USP49: variants seen among roughly 807,000 people sequenced by gnomAD.
The protein encoded by USP49 is ubiquitin specific peptidase 49, also known as ubiquitin carboxyl-terminal hydrolase 49.
USP49 carries 24 observed loss-of-function variants against 58.6 expected under a neutral mutation model. The observed-to-expected ratio is 0.41, with a 90% CI of 0.30 to 0.58. The LOEUF (loss-of-function observed/expected upper bound fraction) is 0.58. USP49 is among the 20% of genes least tolerant of loss of function. USP49 has a pLI of 0.30. For missense variants in USP49, 703 were observed against 866.1 expected, an observed-to-expected ratio of 0.81 and a Z score of 2.36; for synonymous variants, 408 against 365.1, an observed-to-expected ratio of 1.12 and a Z score of -1.34.
At chr6:41,869,080 C>CTTTTTTTT (rs571000427) in intron 3 of USP49, among the ~76,000 whole-genome samples, 1 of 137,884 alleles carries the variant, frequency 7.3e-6, no homozygotes, top group Non-Finnish European at 1.6e-5. Flanking sequence ...TGTTCTTAGT[C>CTTTTTTTT]TTTTTTTTTT....
At chr6:41,836,866 C>T (rs1773737364) in intron 3 of USP49, among the ~76,000 whole-genome samples, 1 of 151,818 alleles carries the variant, frequency 6.6e-6, no homozygotes, top group African/African-American at 2.4e-5. Context: ...CGCACACACA[C>T]ACACACACAC....
intron 6 of USP49, among the ~76,000 whole-genome samples, chr6:41,799,412 A>T (rs1772954101): frequency 6.6e-6 from 1 of 152,052 alleles, no homozygotes; most frequent in Admixed American, 6.5e-5. Context: ...TGGCCCATTT[A>T]TTTGCTGTTA....
In USP49 at chr6:41,885,196, G is replaced by A. The variant is rs149778870; in HGVS notation, c.-103+6598C>T. On this transcript the variant is annotated intron_variant, in intron 2 of 7. Coordinates refer to ENST00000682992, the MANE Select transcript of USP49 (RefSeq NM_001286554.2). ...CACAAGCACACTGCTGGCTGCCAAC[G>A]TAGGTGTTGTAGTTAATATACTCAT... 5.6e-3 allele frequency among the ~76,000 whole-genome samples: 853 copies of A among 152,296 alleles called. 9 individuals carry two copies. The highest frequency in any genetic ancestry group is 0.018 in the African/African-American group (736 of 41,568).
intron 3 of USP49, among the ~76,000 whole-genome samples, chr6:41,811,824 G>T (rs1022713094): frequency 2.0e-4 from 30 of 152,218 alleles, no homozygotes; most frequent in African/African-American, 7.0e-4. Context: ...GGTACAAATT[G>T]GGTACACATT....
intron 3 of USP49, among the ~76,000 whole-genome samples, chr6:41,860,150 C>A (rs530164504): frequency 1.3e-5 from 2 of 152,142 alleles, no homozygotes; most frequent in Non-Finnish European, 2.9e-5. Flanking sequence ...CACTGGGATA[C>A]AGTCACCAGT....
rs1299360789 is a variant in USP49, at chr6:41,794,425, T to C, written c.*2108A>G. On this transcript the variant is annotated 3_prime_UTR_variant, in exon 8 of 8. Coordinates refer to ENST00000682992, the MANE Select transcript of USP49 (RefSeq NM_001286554.2). ...CCACTGGACAGCCTGAGGGGTAAAG[T>C]AGATGCTCTATTAGTTCTTCTCTAT... 1 of 152,250 alleles carries C rather than the reference T, an allele frequency of 6.6e-6. No individual in the cohort carries two copies. Among genetic ancestry groups the C allele is most frequent in the East Asian group, 1.9e-4 (1 of 5,206 alleles). The allele number at this position is 152,250 out of a possible 1,614,324, so 9.4% of individuals were successfully genotyped here.
In USP49 at chr6:41,806,356, G is replaced by C. The variant is rs763445110; in HGVS notation, c.628C>G (p.Arg210Gly). The stretch of plus-strand genomic sequence containing the variant: ...TCGCGGGGCGTGTGCAGGAGCAGCC[G>C]TGCACTCTTGCGCGGAGGGGTGCTG... ...LASTPPRKSA[R>G]LLLHTPRDAG... Residue 210 changes from arginine to glycine, a missense_variant, in exon 4 of 8, where the codon CGG (arginine) becomes GGG (glycine). Transcript: ENST00000682992. The surrounding 1 kb of genome is among the most constrained non-coding windows in gnomAD (Gnocchi z 5.9). 1 of 1,532,738 alleles carries C rather than the reference G, an allele frequency of 6.5e-7. No homozygotes were observed. The highest frequency in any genetic ancestry group is 1.4e-5 in the African/African-American group (1 of 73,012). 94.9% of individuals were successfully genotyped at this position (1,532,738 alleles called of 1,614,324 possible).
At chr6:41,811,143 C>A (rs1335590068) in intron 3 of USP49, among the ~76,000 whole-genome samples, 2 of 152,090 alleles carry the variant, frequency 1.3e-5, no homozygotes, top group Non-Finnish European at 2.9e-5. Context: ...ATATAAGAAA[C>A]CCTCAAATCA....
chr6:41,822,725 G>C (rs7748543), intron 3 of USP49, among the ~76,000 whole-genome samples: 15,673 of 151,686 alleles, frequency 0.1, 1,371 homozygotes, highest in African/African-American at 0.23. Context: ...CGCGCCTGTC[G>C]TCTCAGCTAC....
At chr6:41,802,445 TTTATTTATTTATTTATTTATTTA>T (rs1561902603) in intron 5 of USP49, among the ~76,000 whole-genome samples, 4 of 82,018 alleles carry the variant, frequency 4.9e-5, no homozygotes, top group African/African-American at 2.3e-4. Context: ...TATTTATTTA[TTTATTTATTTATTTATTTATTTA>T]TTTTTTATTT....
intron 3 of USP49, among the ~76,000 whole-genome samples, chr6:41,835,452 G>A (rs1056464563): frequency 5.3e-5 from 8 of 152,066 alleles, no homozygotes; most frequent in Non-Finnish European, 1.0e-4. Context: ...AGTGGCTCAC[G>A]CCTGTAATCC....
intron 2 of USP49, among the ~76,000 whole-genome samples, chr6:41,884,723 G>A (rs2127364716): frequency 6.6e-6 from 1 of 152,200 alleles, no homozygotes; most frequent in Admixed American, 6.5e-5. Context: ...TAAGTGCCAA[G>A]AACTCTGCTT....
Position 41,798,847 on chromosome 6 carries a change from T to C in USP49, c.1753A>G (p.Arg585Gly). Residue 585 changes from arginine to glycine, a missense_variant, in exon 7 of 8, where the codon AGG becomes GGG. Coordinates refer to ENST00000682992, the MANE Select transcript of USP49 (RefSeq NM_001286554.2). ...QVLTMEPYCC[R>G]DMLSSLDKET... is the part of the protein sequence containing the mutation. ...TTGTCAAGAGAGGAGAGCATGTCCC[T>C]GCAGCAGTAAGGTTCCATGGTTAAT... 1.2e-6 allele frequency: 2 copies of C among 1,613,948 alleles called. No individual in the cohort carries two copies. The highest frequency in any genetic ancestry group is 8.5e-7 in the Non-Finnish European group (1 of 1,179,962).
At chr6:41,851,577 G>A (rs753693717) in intron 3 of USP49, among the ~76,000 whole-genome samples, 10 of 152,170 alleles carry the variant, frequency 6.6e-5, no homozygotes, top group Non-Finnish European at 1.2e-4. Context: ...CAAGGAACAA[G>A]CCAAGCATGC....
chr6:41,858,720 A>T (rs1248012990), intron 3 of USP49, among the ~76,000 whole-genome samples: 2 of 151,740 alleles, frequency 1.3e-5, no homozygotes, highest in Admixed American at 6.6e-5. Context: ...CTTCATTCAG[A>T]TGTGTGCTTA....
chr6:41,869,178 G>T (rs1180482832), intron 3 of USP49, among the ~76,000 whole-genome samples: 11 of 143,668 alleles, frequency 7.7e-5, no homozygotes, highest in African/African-American at 2.9e-4. Context: ...ATAGTTAATT[G>T]TCTACACCAC....
chr6:41,795,969 T>C lies in USP49; in HGVS notation c.*564A>G, dbSNP rs1238532632. Reference sequence around the variant, plus strand: ...ATTTGTTCCATGCATCTCACTCCACTCTTCAGCTGCTATCCCCAAAAAAGG... The same window carrying C: ...ATTTGTTCCATGCATCTCACTCCACCCTTCAGCTGCTATCCCCAAAAAAGG... On this transcript the variant is annotated 3_prime_UTR_variant, in exon 8 of 8. Transcript: ENST00000682992. The C allele has an allele frequency of 6.6e-6, 1 of 152,248 alleles. No homozygotes were observed. The highest frequency in any genetic ancestry group is 1.5e-5 in the Non-Finnish European group (1 of 68,072). 9.4% of individuals were successfully genotyped at this position (152,248 alleles called of 1,614,324 possible). A position where few individuals can be genotyped will look rare whatever the true frequency, so the allele number is the denominator to read the frequency against.
chr6:41,863,101 C>A (rs547043871), intron 3 of USP49, among the ~76,000 whole-genome samples: 1 of 152,214 alleles, frequency 6.6e-6, no homozygotes, highest in Non-Finnish European at 1.5e-5. Context: ...TTTAAATATA[C>A]TAGCTGCTCC....
At chr6:41,880,798 C>A (rs762627365) in intron 2 of USP49, among the ~76,000 whole-genome samples, 1 of 152,024 alleles carries the variant, frequency 6.6e-6, no homozygotes, top group Non-Finnish European at 1.5e-5. Context: ...AGAAAGATAT[C>A]AAGTCAAGGA....
Sources: gnomAD v4.1 joint callset for allele counts (sites outside exome capture counted in the v4.1 genomes callset) on GRCh38, gnomAD v4.1.1 for gene constraint, Gnocchi (gnomAD v3.1) non-coding constraint, MANE v1.5 for transcripts, NCBI Gene and HGNC (gene_info 2026-07-23, HGNC 2026-07-21) for gene names.